CYTH1: variants seen among roughly 807,000 people sequenced by gnomAD.
CYTH1 encodes cytohesin 1.
A neutral mutation model predicts 61.8 loss-of-function variants in CYTH1; 18 were observed. The ratio of observed to expected loss-of-function variants is 0.29; its 90% CI spans 0.20 to 0.43. The LOEUF is 0.43. Among genes scored for constraint, CYTH1 ranks in the 20% least tolerant of loss-of-function variants. The pLI is 1.00. For missense variants in CYTH1, 336 were observed against 510.5 expected, an observed-to-expected ratio of 0.66 and a Z score of 3.29; for synonymous variants, 174 against 184.3, an observed-to-expected ratio of 0.94 and a Z score of 0.45.
At chr17:78,728,990 C>G (rs549918654) in intron 1 of CYTH1, among the ~76,000 whole-genome samples, 1 of 152,010 alleles carries the variant, frequency 6.6e-6, no homozygotes, top group Non-Finnish European at 1.5e-5. Flanking sequence ...TGCTCATTTG[C>G]GACATGAAAA....
At chr17:78,744,445 G>A (rs1410909112) in intron 1 of CYTH1, among the ~76,000 whole-genome samples, 1 of 152,132 alleles carries the variant, frequency 6.6e-6, no homozygotes, top group Non-Finnish European at 1.5e-5. Context: ...TCACGCAAGT[G>A]TCCTCCAAAG....
intron 1 of CYTH1, among the ~76,000 whole-genome samples, chr17:78,758,286 A>G (rs958875500): frequency 1.3e-5 from 2 of 152,204 alleles, no homozygotes; most frequent in African/African-American, 4.8e-5. Flanking sequence ...GTCCTTGCTG[A>G]GAGTGCCAAA....
intron 9 of CYTH1, 54 bp downstream of exon 9, chr17:78,698,215 C>G: frequency 6.9e-7 from 1 of 1,443,004 alleles, no homozygotes; most frequent in Middle Eastern, 1.8e-4. Context: ...GCACACACAC[C>G]GCCTTTCTTC....
chr17:78,708,300 A>G, intron 2 of CYTH1, 39 bp from the exon 3 acceptor site: 1 of 1,571,016 alleles, frequency 6.4e-7, no homozygotes, highest in Non-Finnish European at 8.6e-7. Context: ...GGAAAGGCAG[A>G]TGCAGATCAA....
intron 1 of CYTH1, among the ~76,000 whole-genome samples, chr17:78,777,374 C>T (rs1031372043): frequency 5.9e-5 from 9 of 151,910 alleles, no homozygotes; most frequent in Non-Finnish European, 2.9e-5. Context: ...GCCGAGATTG[C>T]GCCACTGCAC....
intron 13 of CYTH1, chr17:78,677,134 A>G (rs964158682): frequency 8.8e-6 from 4 of 452,786 alleles, no homozygotes; most frequent in Admixed American, 4.8e-5. Context: ...CACTAGAAAC[A>G]TGTCCCGATG....
At chr17:78,709,812 G>T in intron 1 of CYTH1, 80 bp from the exon 2 acceptor site, 1 of 1,277,938 alleles carries the variant, frequency 7.8e-7, no homozygotes, top group Non-Finnish European at 1.1e-6. Flanking sequence ...CACAAAAGGA[G>T]AAAGATATCA....
intron 1 of CYTH1, among the ~76,000 whole-genome samples, chr17:78,779,120 G>A (rs1298321211): frequency 1.3e-5 from 2 of 152,172 alleles, no homozygotes; most frequent in African/African-American, 2.4e-5. Flanking sequence ...AGGGGAACAG[G>A]CCAGGCGGGG....
chr17:78,697,071 T>C (rs569698915), intron 9 of CYTH1, among the ~76,000 whole-genome samples: 3 of 152,338 alleles, frequency 2.0e-5, no homozygotes, highest in East Asian at 3.9e-4. Flanking sequence ...TAAGTCATTA[T>C]GTATAAGCAC....
intron 1 of CYTH1, among the ~76,000 whole-genome samples, chr17:78,778,610 C>T (rs1334199292): frequency 7.1e-5 from 10 of 139,866 alleles, no homozygotes; most frequent in Non-Finnish European, 1.5e-5. Flanking sequence ...TGCATTCCAG[C>T]CTGGGCAACA....
chr17:78,704,450 A>C (rs983528105), intron 3 of CYTH1, among the ~76,000 whole-genome samples: 8 of 152,228 alleles, frequency 5.3e-5, no homozygotes, highest in Admixed American at 5.2e-4. Context: ...CTTAAAGAAC[A>C]CATGTGTTCT....
chr17:78,702,688 A>G, intron 3 of CYTH1, 84 bp from the exon 4 acceptor site: 11 of 1,426,974 alleles, frequency 7.7e-6, no homozygotes, highest in Non-Finnish European at 1.1e-5. Flanking sequence ...ACTGATTTAC[A>G]CAGGTTTTTG....
rs1204821286 is a variant in CYTH1 at position 78,750,814 on chromosome 17, A to C, written c.22+31388T>G. ...GAGACTCCATCTCAAAAAAAAAAAA[A>C]ACAAAAATAGTCATTGCTAACACTG... On this transcript the variant is annotated intron_variant, in intron 1 of 13. Coordinates refer to ENST00000446868, the MANE Select transcript of CYTH1 (RefSeq NM_004762.6). Among the ~76,000 whole-genome samples, 7 of 152,096 alleles carry C rather than the reference A, an allele frequency of 4.6e-5. No homozygotes were observed. In the East Asian group the frequency reaches 1.2e-3, roughly 25 times the overall value.
intron 2 of CYTH1, among the ~76,000 whole-genome samples, chr17:78,708,581 T>G (rs1470366004): frequency 6.6e-6 from 1 of 152,210 alleles, no homozygotes; most frequent in Non-Finnish European, 1.5e-5. Context: ...TCACAATCTT[T>G]CAGAACAAGT....
At chr17:78,756,152 T>G (rs2093400352) in intron 1 of CYTH1, among the ~76,000 whole-genome samples, 1 of 151,014 alleles carries the variant, frequency 6.6e-6, no homozygotes, top group African/African-American at 2.4e-5. Flanking sequence ...CTCAGCTCAC[T>G]GCAACCGTCA....
rs1234088270 is a variant in CYTH1, at chr17:78,701,651, CT to C, written c.437+19del. ...TAGCCTCCCACTCCTTCCAAAGGGG[CT>C]CACCTCAAGAATACTCACCGTAGTG... is the stretch of plus-strand genomic sequence containing the variant. On this transcript the variant is annotated intron_variant, in intron 6 of 13. Coordinates refer to ENST00000446868, the MANE Select transcript of CYTH1 (RefSeq NM_004762.6). 2.5e-6 allele frequency: 4 copies of C among 1,613,122 alleles called. No individual in the cohort carries two copies. The African/African-American group carries it at 5.3e-5, about 22-fold the overall frequency.
chr17:78,702,577 T>C lies in CYTH1; in HGVS notation c.198A>G (p.Val66=), dbSNP rs755214347. 10 of 1,614,220 alleles carry C rather than the reference T, an allele frequency of 6.2e-6. No individual in the cohort carries two copies. The highest frequency in any genetic ancestry group is 8.5e-6 in the Non-Finnish European group (10 of 1,180,040). ...TATTAAATTTTTTCCTGCCCATGGC[T>C]ACCTGTTTGTTCCTCTGCATGTTTT... is the stretch of plus-strand genomic sequence containing the variant. ...ERKNMQRNKQ[V]AMGRKKFNMD... Residue 66 remains valine, a synonymous_variant, in exon 4 of 14, where the codon GTA becomes GTG. Transcript: ENST00000446868.
chr17:78,682,934 A>G (rs540834757), intron 11 of CYTH1, among the ~76,000 whole-genome samples: 1 of 152,274 alleles, frequency 6.6e-6, no homozygotes, highest in East Asian at 1.9e-4. Context: ...TTATTTTGTC[A>G]AGGGTTACCC....
chr17:78,680,358 C>G lies in CYTH1; in HGVS notation c.964-14G>C. On this transcript the variant is annotated splice_polypyrimidine_tract_variant and intron_variant, in intron 12 of 13. Coordinates refer to ENST00000446868, the MANE Select transcript of CYTH1 (RefSeq NM_004762.6). ...CTCAAAGCAGTTCTGAGAATCAAAA[C>G]AGAGAGGGAGAGAGTGGAGCAAAGG... The G allele has an allele frequency of 6.2e-7, 1 of 1,607,096 alleles. No individual in the cohort carries two copies. Among genetic ancestry groups the G allele is most frequent in the Non-Finnish European group, 8.5e-7 (1 of 1,175,686 alleles).
Sources: gnomAD v4.1 joint callset for allele counts (sites outside exome capture counted in the v4.1 genomes callset) on GRCh38, gnomAD v4.1.1 for gene constraint, MANE v1.5 for transcripts, NCBI Gene and HGNC (gene_info 2026-07-23, HGNC 2026-07-21) for gene names.